PCDH15: variants seen among roughly 807,000 people sequenced by gnomAD.
PCDH15 encodes protocadherin related 15.
A neutral mutation model predicts 178.5 loss-of-function variants in PCDH15; 129 were observed. The ratio of observed to expected loss-of-function variants is 0.72; its 90% CI spans 0.63 to 0.84. The LOEUF (loss-of-function observed/expected upper bound fraction) is 0.84. PCDH15 is among the 40% of genes least tolerant of loss of function. The probability of loss-of-function intolerance (pLI) is 0.00; values close to 1 mark genes in which losing one functional copy is unlikely to be tolerated. For missense variants in PCDH15, 2,230 were observed against 2,099.9 expected, an observed-to-expected ratio of 1.06 and a Z score of -1.21; for synonymous variants, 800 against 732.0, an observed-to-expected ratio of 1.09 and a Z score of -1.50.
chr10:54,695,181 G>A (rs574865439), intron 1 of PCDH15, among the ~76,000 whole-genome samples: 15 of 152,068 alleles, frequency 9.9e-5, no homozygotes, highest in Non-Finnish European at 1.8e-4. Flanking sequence ...AAACCTGCAC[G>A]TTGTGCACAT....
At chr10:54,811,129 T>C (rs1333140711) in intron 3 of PCDH15, among the ~76,000 whole-genome samples, 1 of 149,488 alleles carries the variant, frequency 6.7e-6, no homozygotes, top group Non-Finnish European at 1.5e-5. Flanking sequence ...CTACTCAATA[T>C]TATGTGTATA....
intron 1 of PCDH15, among the ~76,000 whole-genome samples, chr10:55,317,655 C>T (rs1843760373): frequency 6.6e-6 from 1 of 151,618 alleles, no homozygotes; most frequent in Admixed American, 6.6e-5. Flanking sequence ...ACTATAGTCA[C>T]CCAGAAAAGG....
intron 3 of PCDH15, among the ~76,000 whole-genome samples, chr10:54,877,268 C>T (rs1349820767): frequency 6.6e-6 from 1 of 152,140 alleles, no homozygotes; most frequent in African/African-American, 2.4e-5. Context: ...TGCGTAACCT[C>T]TTTATTGCAA....
intron 8 of PCDH15, among the ~76,000 whole-genome samples, chr10:54,252,228 G>T (rs2056539904): frequency 6.6e-6 from 1 of 152,086 alleles, no homozygotes; most frequent in Non-Finnish European, 1.5e-5. Context: ...GATGCAACTT[G>T]TCATCCCTTT....
chr10:54,258,623 G>T (rs887423632), intron 8 of PCDH15, among the ~76,000 whole-genome samples: 3 of 151,958 alleles, frequency 2.0e-5, no homozygotes, highest in African/African-American at 7.3e-5. Flanking sequence ...AACCACCCAG[G>T]TATGTCTTTA....
Position 55,086,126 on chromosome 10 carries a change from C to CA in PCDH15, c.-80+80449dup, listed in dbSNP as rs1842161764. ...ATATTTAACTCAAGCTAAAAATTAC[C>CA]AAAGATCATAAATGTTCTGATTTAA... On this transcript the variant is annotated intron_variant, in intron 2 of 5. Transcript: ENST00000458638. 2.0e-5 allele frequency among the ~76,000 whole-genome samples: 3 copies of CA among 151,340 alleles called. No homozygotes were observed. The South Asian group carries it at 6.3e-4, about 32-fold the overall frequency.
chr10:54,726,179 G>A (rs1942471599), intron 1 of PCDH15, among the ~76,000 whole-genome samples: 1 of 151,186 alleles, frequency 6.6e-6, no homozygotes, highest in Non-Finnish European at 1.5e-5. Flanking sequence ...AAAATATATT[G>A]ACCACAGTTT....
chr10:54,969,056 C>A (rs1443313410), intron 2 of PCDH15, among the ~76,000 whole-genome samples: 2 of 150,674 alleles, frequency 1.3e-5, no homozygotes, highest in Non-Finnish European at 2.9e-5. Flanking sequence ...TCTATCATAT[C>A]TGTAACTCTG....
chr10:53,924,530 G>A (rs1564782214), intron 25 of PCDH15, among the ~76,000 whole-genome samples: 1 of 152,216 alleles, frequency 6.6e-6, no homozygotes, highest in Non-Finnish European at 1.5e-5. Context: ...GTGGCACCTG[G>A]TCCCATCAAC....
chr10:55,084,468 A>AAAAAAAAAAAAAAAAAAAAAAAAAC, intron 2 of PCDH15, among the ~76,000 whole-genome samples: 1 of 151,550 alleles, frequency 6.6e-6, no homozygotes, highest in East Asian at 1.9e-4. Context: ...GCTGTAAAAA[A>AAAAAAAAAAAAAAAAAAAAAAAAAC]AAAACTAAAA....
intron 2 of PCDH15, among the ~76,000 whole-genome samples, chr10:54,922,932 T>C (rs1837530818): frequency 6.6e-6 from 1 of 152,198 alleles, no homozygotes; most frequent in Non-Finnish European, 1.5e-5. Flanking sequence ...CTGTGGGGAC[T>C]CTGTGTGGGC....
At chr10:55,579,446 G>A (rs960700124) in intron 2 of PCDH15, among the ~76,000 whole-genome samples, 14 of 152,054 alleles carry the variant, frequency 9.2e-5, no homozygotes, top group Non-Finnish European at 1.9e-4. Flanking sequence ...ACTCATCTCT[G>A]TAACTGTCCT....
At chr10:55,290,888 T>C (rs1842991685) in intron 1 of PCDH15, among the ~76,000 whole-genome samples, 1 of 152,112 alleles carries the variant, frequency 6.6e-6, no homozygotes, top group Non-Finnish European at 1.5e-5. Context: ...CTGATTAATG[T>C]GTGTTTAAAG....
At chr10:53,982,384 G>A (rs1268222744) in intron 21 of PCDH15, among the ~76,000 whole-genome samples, 7 of 152,008 alleles carry the variant, frequency 4.6e-5, no homozygotes, top group South Asian at 2.1e-4. Context: ...TGTTTATTGC[G>A]GCACTATTCA....
intron 8 of PCDH15, among the ~76,000 whole-genome samples, chr10:54,250,269 T>C (rs1009277378): frequency 2.5e-5 from 3 of 120,240 alleles, no homozygotes; most frequent in African/African-American, 1.2e-4. Context: ...TGCTATTACT[T>C]TTTTTTTTTT....
chr10:53,985,416 G>C (rs955899390), intron 21 of PCDH15, among the ~76,000 whole-genome samples: 1 of 152,116 alleles, frequency 6.6e-6, no homozygotes, highest in African/African-American at 2.4e-5. Context: ...CAATGTTCCT[G>C]ACAGTGGCAT....
intron 3 of PCDH15, among the ~76,000 whole-genome samples, chr10:54,866,677 A>C (rs1250662496): frequency 1.3e-5 from 2 of 152,200 alleles, no homozygotes; most frequent in African/African-American, 4.8e-5. Context: ...AAGAACACTG[A>C]ATGGCATCCA....
intron 2 of PCDH15, among the ~76,000 whole-genome samples, chr10:55,609,909 T>A (rs1843328574): frequency 6.6e-6 from 1 of 152,154 alleles, no homozygotes; most frequent in Non-Finnish European, 1.5e-5. Context: ...CAAGTAGAAA[T>A]AGCTCCGTAA....
At chr10:55,354,807 A>C (rs1304965572) in intron 2 of PCDH15, among the ~76,000 whole-genome samples, 1 of 152,030 alleles carries the variant, frequency 6.6e-6, no homozygotes, top group Non-Finnish European at 1.5e-5. Flanking sequence ...AAATATTAAC[A>C]CAAGTATTGA....
Sources: gnomAD v4.1 joint callset for allele counts (sites outside exome capture counted in the v4.1 genomes callset) on GRCh38, gnomAD v4.1.1 for gene constraint, MANE v1.5 for transcripts, NCBI Gene and HGNC (gene_info 2026-07-23, HGNC 2026-07-21) for gene names.